ZNF430: variants seen among roughly 807,000 people sequenced by gnomAD.
The protein encoded by ZNF430 is zinc finger protein 430.
In ZNF430, 35 loss-of-function variants were observed where a neutral mutation model predicts 56.7. The ratio of observed to expected loss-of-function variants is 0.62; its 90% confidence interval spans 0.47 to 0.82. The LOEUF is 0.82. Among genes scored for constraint, ZNF430 ranks in the 40% least tolerant of loss-of-function variants. The probability of loss-of-function intolerance (pLI) is 0.00; values close to 1 mark genes in which losing one functional copy is unlikely to be tolerated. For missense variants in ZNF430, 574 were observed against 661.0 expected (o/e 0.87, Z 1.44); for synonymous variants, 212 against 224.3 (o/e 0.94, Z 0.49).
At chr19:21,041,445 A>G (rs1968100854) in intron 4 of ZNF430, among the ~76,000 whole-genome samples, 1 of 152,228 alleles carries the variant, frequency 6.6e-6, no homozygotes, top group Admixed American at 6.5e-5. Flanking sequence ...ATTTATATTT[A>G]AAATGATTGC....
chr19:21,058,110 T>C lies in ZNF430; in HGVS notation c.*89T>C. 8.0e-7 allele frequency: 1 copy of C among 1,254,602 alleles called. No homozygotes were observed. Among genetic ancestry groups the C allele is most frequent in the South Asian group, 1.5e-5 (1 of 67,468 alleles). 77.7% of individuals were successfully genotyped at this position (1,254,602 alleles called of 1,614,324 possible). A position where few individuals can be genotyped will look rare whatever the true frequency, so the allele number is the denominator to read the frequency against. On this transcript the variant is annotated 3_prime_UTR_variant, in exon 5 of 5. Coordinates refer to ENST00000261560, the MANE Select transcript of ZNF430 (RefSeq NM_025189.4). ...AGAGGAACCCTATGAGTGTGAAGAA[T>C]ATGGCAAAGCCTTCAACAAGTCCTC...
At chr19:21,046,415 G>A (rs926651563) in intron 4 of ZNF430, among the ~76,000 whole-genome samples, 4 of 151,756 alleles carry the variant, frequency 2.6e-5, no homozygotes, top group African/African-American at 7.3e-5. Context: ...ACTCTTTGAT[G>A]TAGTTTTTTC....
chr19:21,022,284 C>G (rs756952579), intron 1 of ZNF430, among the ~76,000 whole-genome samples: 7 of 152,074 alleles, frequency 4.6e-5, no homozygotes, highest in Non-Finnish European at 1.0e-4. Flanking sequence ...TAAGTCTAAC[C>G]CCCGTCCCCC....
At chr19:21,025,173 G>T (rs1441832312) in intron 2 of ZNF430, among the ~76,000 whole-genome samples, 1 of 152,196 alleles carries the variant, frequency 6.6e-6, no homozygotes, top group Non-Finnish European at 1.5e-5. Context: ...AGGCAGAGCA[G>T]CCCTGAGGGC....
intron 4 of ZNF430, among the ~76,000 whole-genome samples, chr19:21,045,531 G>A (rs1435933049): frequency 6.6e-6 from 1 of 152,200 alleles, no homozygotes; most frequent in Non-Finnish European, 1.5e-5. Context: ...ACACTTAGGA[G>A]AATGTGTATT....
chr19:21,038,828 G>T (rs1436235329), intron 4 of ZNF430, among the ~76,000 whole-genome samples: 6 of 152,174 alleles, frequency 3.9e-5, no homozygotes, highest in Non-Finnish European at 8.8e-5. Flanking sequence ...AACAATATTT[G>T]TGTAATAAAA....
At chr19:21,056,445 C>T (rs377545472) in intron 4 of ZNF430, among the ~76,000 whole-genome samples, 186 bp from the exon 5 acceptor site, 24 of 150,426 alleles carry the variant, frequency 1.6e-4, no homozygotes, top group South Asian at 4.2e-4. Context: ...GCAGAGATCA[C>T]GCCATTGCAC....
At chr19:21,049,370 G>T (rs1238721599) in intron 4 of ZNF430, 1 of 151,728 alleles carries the variant, frequency 6.6e-6, no homozygotes, top group Non-Finnish European at 1.5e-5. Flanking sequence ...CATTATGATA[G>T]TAAAAAATTC....
intron 4 of ZNF430, among the ~76,000 whole-genome samples, chr19:21,040,336 G>T (rs560838205): frequency 3.3e-5 from 5 of 152,308 alleles, no homozygotes; most frequent in Admixed American, 3.3e-4. Flanking sequence ...GTGGAACCTG[G>T]TAGGAGGTGT....
intron 2 of ZNF430, among the ~76,000 whole-genome samples, chr19:21,028,362 A>G (rs748758695): frequency 1.6e-4 from 24 of 152,230 alleles, no homozygotes; most frequent in Non-Finnish European, 3.2e-4. Context: ...GACCACAACT[A>G]TACCTACCTG....
chr19:21,026,232 C>T (rs1040089007), intron 2 of ZNF430, among the ~76,000 whole-genome samples: 1 of 151,490 alleles, frequency 6.6e-6, no homozygotes, highest in African/African-American at 2.4e-5. Flanking sequence ...TGTGTTGCCC[C>T]GGCTGGAGTT....
rs1163366956 is a variant in ZNF430, at chr19:21,027,017, A to ACG, written c.96+4137_96+4138dup. On this transcript the variant is annotated intron_variant, in intron 2 of 4. Transcript: ENST00000261560. Reference sequence around the variant, plus strand: ...GCTAAGTTTTGTATTTTTAGGAGAGACGGGGTTTCACCATGTTGGCCAGGA... The same window carrying ACG: ...GCTAAGTTTTGTATTTTTAGGAGAGACGCGGGGTTTCACCATGTTGGCCAGGA... Among the ~76,000 whole-genome samples, 4 of 151,278 alleles carry ACG rather than the reference A, an allele frequency of 2.6e-5. No individual in the cohort carries two copies. The East Asian group carries it at 7.8e-4, about 29-fold the overall frequency.
chr19:21,026,230 C>T (rs866333200), intron 2 of ZNF430, among the ~76,000 whole-genome samples: 1 of 151,670 alleles, frequency 6.6e-6, no homozygotes, highest in African/African-American at 2.4e-5. Flanking sequence ...ACTGTGTTGC[C>T]CCGGCTGGAG....
intron 2 of ZNF430, among the ~76,000 whole-genome samples, chr19:21,031,954 TC>T (rs1469276501): frequency 2.8e-4 from 43 of 152,330 alleles, no homozygotes; most frequent in African/African-American, 9.6e-4. Context: ...TTCTCTACAT[TC>T]TCTACATCAT....
At chr19:21,054,829 C>T (rs1473993730) in intron 4 of ZNF430, among the ~76,000 whole-genome samples, 1 of 151,952 alleles carries the variant, frequency 6.6e-6, no homozygotes, top group Non-Finnish European at 1.5e-5. Flanking sequence ...CGCCCGCCAC[C>T]ACGCCCGGCT....
chr19:21,031,205 G>C (rs1026520019), intron 2 of ZNF430, among the ~76,000 whole-genome samples: 4 of 151,714 alleles, frequency 2.6e-5, no homozygotes, highest in Non-Finnish European at 2.9e-5. Flanking sequence ...TTCTAATTAG[G>C]ATTACATGGC....
chr19:21,042,279 A>G lies in ZNF430; in HGVS notation c.322+8095A>G, dbSNP rs373741555. ...AGTGCTGCAATGAACATACACATCCACATATCTTTATAACAGAATTATTTA... is the reference window on the plus strand; with the variant it reads ...AGTGCTGCAATGAACATACACATCCGCATATCTTTATAACAGAATTATTTA... On this transcript the variant is annotated intron_variant, in intron 4 of 4. Coordinates refer to ENST00000261560, the MANE Select transcript of ZNF430 (RefSeq NM_025189.4). Among the ~76,000 whole-genome samples, 43 of 152,290 alleles carry G rather than the reference A, an allele frequency of 2.8e-4. 1 individual carries two copies. In the South Asian group the frequency reaches 8.9e-3, roughly 32 times the overall value.
intron 4 of ZNF430, chr19:21,034,988 A>G (rs913725784): frequency 3.3e-5 from 5 of 152,206 alleles, no homozygotes; most frequent in African/African-American, 1.2e-4. Context: ...GTTTGAAATT[A>G]TAAAGCATCA....
At chr19:21,036,440 T>A (rs1414756877) in intron 4 of ZNF430, 2 of 152,136 alleles carry the variant, frequency 1.3e-5, no homozygotes, top group Non-Finnish European at 2.9e-5. Flanking sequence ...TTGAAAAGAT[T>A]TATAAATCTG....
Sources: allele counts gnomAD v4.1 joint callset (sites outside exome capture counted in the v4.1 genomes callset), GRCh38; gene constraint gnomAD v4.1.1; transcripts MANE v1.5; gene names NCBI Gene and HGNC (gene_info 2026-07-23, HGNC 2026-07-21).